SDK1: variants seen among roughly 807,000 people sequenced by gnomAD.
SDK1 encodes the protein protein sidekick-1.
Under a neutral mutation model 245.5 loss-of-function variants are expected in SDK1, and 157 were observed. The observed-to-expected ratio is 0.64, with a 90% CI of 0.56 to 0.73. The LOEUF (loss-of-function observed/expected upper bound fraction) is 0.73. Among genes scored for constraint, SDK1 ranks in the 30% least tolerant of loss-of-function variants. The probability of loss-of-function intolerance (pLI) is 0.00; values close to 1 mark genes in which losing one functional copy is unlikely to be tolerated. For missense variants in SDK1, 3,583 were observed against 3,002.3 expected (o/e 1.19, Z -4.52); for synonymous variants, 1,647 against 1,278.5 (o/e 1.29, Z -6.15).
intron 1 of SDK1, among the ~76,000 whole-genome samples, chr7:3,376,100 G>C (rs902180663): frequency 6.6e-6 from 1 of 152,274 alleles, no homozygotes; most frequent in African/African-American, 2.4e-5. Context: ...GGGAGGCTGA[G>C]GTAGGAGGAT....
chr7:3,372,042 C>T (rs535038462), intron 1 of SDK1, among the ~76,000 whole-genome samples: 61 of 152,290 alleles, frequency 4.0e-4, no homozygotes, highest in African/African-American at 1.4e-3. Flanking sequence ...TCATCAGCTA[C>T]GTTGTTAACA....
At chr7:3,850,169 C>T (rs375127925) in intron 5 of SDK1, among the ~76,000 whole-genome samples, 6 of 152,192 alleles carry the variant, frequency 3.9e-5, no homozygotes, top group African/African-American at 1.4e-4. Context: ...GACCCACCCC[C>T]CTTCGAGTCT....
intron 1 of SDK1, among the ~76,000 whole-genome samples, chr7:3,474,907 G>T (rs1179783689): frequency 2.0e-5 from 3 of 152,012 alleles, no homozygotes; most frequent in Non-Finnish European, 4.4e-5. Flanking sequence ...GTCCAAGCTG[G>T]TATTGAACTC....
intron 1 of SDK1, among the ~76,000 whole-genome samples, chr7:3,423,746 C>T (rs1253235553): frequency 6.6e-6 from 1 of 152,036 alleles, no homozygotes; most frequent in South Asian, 2.1e-4. Flanking sequence ...ACCAGAAGAT[C>T]AGACAAATAC....
chr7:3,661,068 C>G (rs763798113), intron 4 of SDK1, among the ~76,000 whole-genome samples: 1 of 152,180 alleles, frequency 6.6e-6, no homozygotes, highest in East Asian at 1.9e-4. Flanking sequence ...CTATCTCTCA[C>G]TCTCTAAAAT....
At chr7:4,087,691 G>A (rs1781513427) in intron 22 of SDK1, among the ~76,000 whole-genome samples, 1 of 152,292 alleles carries the variant, frequency 6.6e-6, no homozygotes, top group Middle Eastern at 3.4e-3. Flanking sequence ...GAAAATGAGG[G>A]GCGATCAATA....
intron 28 of SDK1, among the ~76,000 whole-genome samples, chr7:4,135,324 A>G (rs1217703972): frequency 1.3e-5 from 2 of 152,180 alleles, no homozygotes; most frequent in East Asian, 1.9e-4. Context: ...TTGTGCGTCC[A>G]CTTTGGGGAG....
At chr7:3,887,075 T>TG (rs1781355197) in intron 5 of SDK1, among the ~76,000 whole-genome samples, 1 of 152,212 alleles carries the variant, frequency 6.6e-6, no homozygotes, top group African/African-American at 2.4e-5. Flanking sequence ...GTTATGCCGC[T>TG]GTTGCAAACA....
chr7:3,325,635 T>C (rs1295026296), intron 1 of SDK1, among the ~76,000 whole-genome samples: 2 of 152,116 alleles, frequency 1.3e-5, no homozygotes, highest in African/African-American at 4.8e-5. Flanking sequence ...GATTAAAGGG[T>C]GTATCAACAA....
chr7:3,921,317 C>T (rs1308068162), intron 5 of SDK1, among the ~76,000 whole-genome samples: 3 of 152,140 alleles, frequency 2.0e-5, no homozygotes, highest in Non-Finnish European at 4.4e-5. Context: ...TCAATAACTG[C>T]CTAGTTTCTT....
intron 1 of SDK1, among the ~76,000 whole-genome samples, chr7:3,312,284 A>G (rs1245610017): frequency 6.6e-6 from 1 of 152,214 alleles, no homozygotes; most frequent in Non-Finnish European, 1.5e-5. Context: ...GAGCAAATTA[A>G]AAATCTAAGA....
chr7:4,109,881 T>C (rs1222616067), intron 22 of SDK1, among the ~76,000 whole-genome samples: 1 of 151,706 alleles, frequency 6.6e-6, no homozygotes, highest in Middle Eastern at 3.2e-3. Flanking sequence ...AGCAGGGAGA[T>C]GGTGTGGAGC....
intron 43 of SDK1, among the ~76,000 whole-genome samples, chr7:4,244,067 G>T (rs934521758): frequency 6.6e-6 from 1 of 152,106 alleles, no homozygotes. Flanking sequence ...GCCTTCACTG[G>T]GCCTTTCCAG....
intron 25 of SDK1, among the ~76,000 whole-genome samples, chr7:4,122,964 C>A (rs115929558): frequency 0.036 from 5,545 of 152,324 alleles, 254 homozygotes; most frequent in African/African-American, 0.1. Flanking sequence ...TGCCTCACCT[C>A]CCTATCTCCA....
chr7:4,161,932 C>T (rs533304169), intron 32 of SDK1, 76 bp downstream of exon 32: 17 of 1,296,662 alleles, frequency 1.3e-5, no homozygotes, highest in African/African-American at 2.9e-5. Context: ...CAACGGCTGA[C>T]ATGGACTGCA....
At chr7:3,580,984 A>C (rs900823914) in intron 1 of SDK1, among the ~76,000 whole-genome samples, 5 of 139,392 alleles carry the variant, frequency 3.6e-5, no homozygotes, top group African/African-American at 1.3e-4. Flanking sequence ...AAAAAAAAAA[A>C]AAAAAAAAAA....
At chr7:3,924,001 T>C (rs1779683870) in intron 5 of SDK1, among the ~76,000 whole-genome samples, 2 of 152,208 alleles carry the variant, frequency 1.3e-5, no homozygotes, top group African/African-American at 4.8e-5. Flanking sequence ...ATGCAGACTA[T>C]TTCCCTACTA....
intron 37 of SDK1, among the ~76,000 whole-genome samples, chr7:4,209,761 G>C (rs1267881295): frequency 1.3e-5 from 2 of 152,060 alleles, no homozygotes; most frequent in Non-Finnish European, 2.9e-5. Context: ...TCATTTTTAT[G>C]CCTTTGCCGT....
intron 2 of SDK1, among the ~76,000 whole-genome samples, chr7:3,631,500 A>G (rs1027146365): frequency 6.6e-6 from 1 of 152,148 alleles, no homozygotes; most frequent in African/African-American, 2.4e-5. Flanking sequence ...CCTGTCCTCT[A>G]TGAATTGCCT....
Sources: allele counts gnomAD v4.1 joint callset (sites outside exome capture counted in the v4.1 genomes callset), GRCh38; gene constraint gnomAD v4.1.1; transcripts MANE v1.5; gene names NCBI Gene and HGNC (gene_info 2026-07-23, HGNC 2026-07-21).